The following EFNA5 variants were observed in gnomAD, a reference collection of about 807,000 sequenced individuals.
EFNA5 encodes ephrin-A5.
A neutral mutation model predicts 22.9 loss-of-function variants in EFNA5; 5 were observed. The ratio of observed to expected loss-of-function variants is 0.22; its 90% confidence interval spans 0.11 to 0.46. The LOEUF (loss-of-function observed/expected upper bound fraction) is 0.46. Ranked by LOEUF, EFNA5 falls within the 20% of genes least tolerant of loss-of-function variation. The pLI, the probability that EFNA5 is intolerant of heterozygous loss-of-function variation, is 0.99. For missense variants in EFNA5, 237 were observed against 293.3 expected, an observed-to-expected ratio of 0.81 and a Z score of 1.40; for synonymous variants, 113 against 112.2, an observed-to-expected ratio of 1.01 and a Z score of -0.04.
chr5:107,511,893 C>T (rs1394837179), intron 1 of EFNA5, among the ~76,000 whole-genome samples: 2 of 152,172 alleles, frequency 1.3e-5, no homozygotes, highest in Non-Finnish European at 2.9e-5. Flanking sequence ...ATAGCCCTGC[C>T]TACTCACAAT....
At chr5:107,394,195 T>G (rs1747860382) in intron 2 of EFNA5, among the ~76,000 whole-genome samples, 2 of 152,234 alleles carry the variant, frequency 1.3e-5, no homozygotes, top group Non-Finnish European at 2.9e-5. Flanking sequence ...GGCCCCGGTT[T>G]ACCAAGCTTG....
At chr5:107,444,055 TC>T (rs1689689881) in intron 1 of EFNA5, among the ~76,000 whole-genome samples, 1 of 152,156 alleles carries the variant, frequency 6.6e-6, no homozygotes. Flanking sequence ...GATGATAACA[TC>T]ATCCATGTGG....
intron 1 of EFNA5, among the ~76,000 whole-genome samples, chr5:107,562,669 C>T (rs1748576440): frequency 1.3e-5 from 2 of 152,138 alleles, no homozygotes; most frequent in Non-Finnish European, 2.9e-5. Context: ...GTAGTAAACT[C>T]ACCATTGTGA....
intron 1 of EFNA5, among the ~76,000 whole-genome samples, chr5:107,670,055 A>C (rs1235803572): frequency 1.1e-5 from 1 of 89,494 alleles, no homozygotes. Flanking sequence ...AAAAAAAAAA[A>C]CTTTGGGGGA....
At chr5:107,498,719 AG>A (rs2112423024) in intron 1 of EFNA5, among the ~76,000 whole-genome samples, 1 of 152,302 alleles carries the variant, frequency 6.6e-6, no homozygotes, top group East Asian at 1.9e-4. Context: ...GTGACAGCAC[AG>A]GTTGAATGCC....
At chr5:107,531,480 G>C (rs1332684005) in intron 1 of EFNA5, among the ~76,000 whole-genome samples, 1 of 152,186 alleles carries the variant, frequency 6.6e-6, no homozygotes, top group African/African-American at 2.4e-5. Flanking sequence ...GACTGTTTCA[G>C]GAAACGTGAT....
intron 1 of EFNA5, among the ~76,000 whole-genome samples, chr5:107,444,816 T>C (rs181401930): frequency 2.7e-3 from 414 of 152,234 alleles, no homozygotes; most frequent in Non-Finnish European, 4.7e-3. Context: ...TTTTCAGACA[T>C]GGTTTCCTAT....
At chr5:107,471,418 G>A (rs1561400796) in intron 1 of EFNA5, among the ~76,000 whole-genome samples, 1 of 152,054 alleles carries the variant, frequency 6.6e-6, no homozygotes, top group Non-Finnish European at 1.5e-5. Flanking sequence ...CAGGACTGAG[G>A]ATATTATTAC....
chr5:107,473,563 G>T (rs537290912), intron 1 of EFNA5, among the ~76,000 whole-genome samples: 58 of 152,036 alleles, frequency 3.8e-4, no homozygotes, highest in Middle Eastern at 3.2e-3. Context: ...CTACAATTTG[G>T]TGTGGAACAG....
At position 107,425,113 on chromosome 5, in the gene EFNA5, G is replaced by A. The variant is rs531802932; in HGVS notation, c.418+2104C>T. 5.5e-4 allele frequency among the ~76,000 whole-genome samples: 83 copies of A among 152,218 alleles called. No individual in the cohort carries two copies. In the South Asian group the frequency reaches 0.017, roughly 31 times the overall value. ...AAGCCCTTGACAGTTAAATGACTCCGTTAAATGAATGTTATAGAAGTCACA... is the reference window on the plus strand; with the variant it reads ...AAGCCCTTGACAGTTAAATGACTCCATTAAATGAATGTTATAGAAGTCACA... On this transcript the variant is annotated intron_variant, in intron 2 of 4. Transcript: ENST00000333274.
At chr5:107,657,623 G>A (rs1750856514) in intron 1 of EFNA5, among the ~76,000 whole-genome samples, 1 of 152,028 alleles carries the variant, frequency 6.6e-6, no homozygotes, top group Admixed American at 6.6e-5. Context: ...AAAATTGTTG[G>A]TAAAAATTTC....
intron 1 of EFNA5, among the ~76,000 whole-genome samples, chr5:107,641,033 C>CAG (rs778024324): frequency 1.3e-5 from 2 of 148,298 alleles, no homozygotes; most frequent in African/African-American, 2.5e-5. Flanking sequence ...GACAGACAGA[C>CAG]AGACAGATAG....
rs27916 is a variant in EFNA5, at chr5:107,653,756, G to A, written c.125+16733C>T. On this transcript the variant is annotated intron_variant, in intron 1 of 4. Transcript: ENST00000333274. ...CAATTTATAACAAGAAAAACCAATC[G>A]TCTTCCAACACTGATTATTGCAGTC... Among the ~76,000 whole-genome samples the A allele has an allele frequency of 5.4e-4, 82 of 152,226 alleles. No homozygotes were observed. In the East Asian group the frequency reaches 0.015, roughly 28 times the overall value.
At chr5:107,662,842 T>C (rs1346940740) in intron 1 of EFNA5, among the ~76,000 whole-genome samples, 1 of 148,228 alleles carries the variant, frequency 6.7e-6, no homozygotes, top group Non-Finnish European at 1.5e-5. Context: ...CTTAGCATAG[T>C]CAGAAAAATG....
chr5:107,532,884 C>T (rs901339760), intron 1 of EFNA5, among the ~76,000 whole-genome samples: 1 of 152,192 alleles, frequency 6.6e-6, no homozygotes, highest in South Asian at 2.1e-4. Flanking sequence ...GGTGTTCACA[C>T]CACTGTTAAG....
At chr5:107,509,047 C>T (rs1055498799) in intron 1 of EFNA5, among the ~76,000 whole-genome samples, 1 of 152,154 alleles carries the variant, frequency 6.6e-6, no homozygotes, top group Non-Finnish European at 1.5e-5. Context: ...TGCATTTGGA[C>T]AAAGTGCTAT....
intron 1 of EFNA5, among the ~76,000 whole-genome samples, chr5:107,638,363 T>G (rs1042315175): frequency 1.3e-5 from 2 of 151,886 alleles, no homozygotes; most frequent in Non-Finnish European, 2.9e-5. Flanking sequence ...GTGAAGAAAG[T>G]AGAGAGATGT....
chr5:107,564,972 A>G (rs910361049), intron 1 of EFNA5, among the ~76,000 whole-genome samples: 1 of 152,148 alleles, frequency 6.6e-6, no homozygotes, highest in Non-Finnish European at 1.5e-5. Flanking sequence ...TGACCTTTTC[A>G]GGGATTTGTG....
intron 1 of EFNA5, among the ~76,000 whole-genome samples, chr5:107,552,015 C>A (rs989647739): frequency 3.3e-5 from 5 of 152,082 alleles, no homozygotes; most frequent in Admixed American, 2.6e-4. Flanking sequence ...CAATCTCTCT[C>A]CTCTTCTCCT....
Sources: allele counts gnomAD v4.1 joint callset (sites outside exome capture counted in the v4.1 genomes callset), GRCh38; gene constraint gnomAD v4.1.1; transcripts MANE v1.5; gene names NCBI Gene and HGNC (gene_info 2026-07-23, HGNC 2026-07-21).